FSTL4: variants seen among roughly 807,000 people sequenced by gnomAD.
FSTL4 encodes the protein follistatin-related protein 4.
FSTL4 carries 28 observed loss-of-function variants against 78.2 expected under a neutral mutation model. The ratio of observed to expected loss-of-function variants is 0.36; its 90% CI spans 0.27 to 0.49. The LOEUF is 0.49. FSTL4 is among the 20% of genes least tolerant of loss of function. The probability of loss-of-function intolerance (pLI) is 0.98; values close to 1 mark genes in which losing one functional copy is unlikely to be tolerated. For missense variants in FSTL4, 922 were observed against 1,084.9 expected, an observed-to-expected ratio of 0.85 and a Z score of 2.11; for synonymous variants, 422 against 440.5, an observed-to-expected ratio of 0.96 and a Z score of 0.53.
At chr5:133,505,550 A>C (rs933609905) in intron 3 of FSTL4, among the ~76,000 whole-genome samples, 1 of 152,256 alleles carries the variant, frequency 6.6e-6, no homozygotes, top group Non-Finnish European at 1.5e-5. Flanking sequence ...CATCCTTACA[A>C]GTCCTTCTTA....
intron 6 of FSTL4, among the ~76,000 whole-genome samples, chr5:133,312,074 C>T (rs1053338999): frequency 2.6e-5 from 4 of 152,204 alleles, no homozygotes; most frequent in African/African-American, 9.7e-5. Context: ...GCATCCCATC[C>T]ACTTGCATAT....
intron 6 of FSTL4, among the ~76,000 whole-genome samples, chr5:133,288,649 C>G (rs1429158098): frequency 6.6e-6 from 1 of 152,222 alleles, no homozygotes. Flanking sequence ...CCCCTTGGCC[C>G]TGGATGCTGG....
chr5:133,479,753 T>C (rs908341092), intron 3 of FSTL4, among the ~76,000 whole-genome samples: 1 of 152,186 alleles, frequency 6.6e-6, no homozygotes, highest in Non-Finnish European at 1.5e-5. Flanking sequence ...TAAAATTAGA[T>C]TGTAGTGACA....
At chr5:133,667,330 T>C in the FSTL4 span, among the ~76,000 whole-genome samples, 443 of 152,338 alleles carry the variant, frequency 2.9e-3, 1 homozygote, top group African/African-American at 0.01. Flanking sequence ...TACCTAGATT[T>C]TTGCAATGGT....
At chr5:133,529,617 A>G (rs532342309) in intron 3 of FSTL4, among the ~76,000 whole-genome samples, 2 of 152,178 alleles carry the variant, frequency 1.3e-5, no homozygotes, top group South Asian at 4.1e-4. Context: ...GATGAGGATA[A>G]TTAGACAACA....
At chr5:133,550,245 CCATATAGCCAGAAA>C in intron 3 of FSTL4, among the ~76,000 whole-genome samples, 1 of 152,230 alleles carries the variant, frequency 6.6e-6, no homozygotes, top group Non-Finnish European at 1.5e-5. Flanking sequence ...ATCTAGCCTC[CCATATAGCCAGAAA>C]CAATAAGCTG....
intron 4 of FSTL4, among the ~76,000 whole-genome samples, chr5:133,370,580 A>C (rs1057048741): frequency 3.9e-5 from 6 of 151,972 alleles, no homozygotes; most frequent in Non-Finnish European, 7.4e-5. Flanking sequence ...TCCTAGGCAG[A>C]GTTGTGTGAG....
At chr5:133,565,803 G>A (rs1253054374) in intron 3 of FSTL4, among the ~76,000 whole-genome samples, 1 of 152,154 alleles carries the variant, frequency 6.6e-6, no homozygotes, top group Non-Finnish European at 1.5e-5. Context: ...TTCCAAAAAG[G>A]TTAAGTTTAT....
chr5:133,692,430 T>G, the FSTL4 span, among the ~76,000 whole-genome samples: 1 of 152,192 alleles, frequency 6.6e-6, no homozygotes, highest in Non-Finnish European at 1.5e-5. Flanking sequence ...TCCCTCTGGC[T>G]GTGAAGCATG....
the FSTL4 span, among the ~76,000 whole-genome samples, chr5:133,756,752 G>A: frequency 6.6e-6 from 1 of 152,158 alleles, no homozygotes; most frequent in Non-Finnish European, 1.5e-5. Flanking sequence ...TATATCCGGA[G>A]CATTTCTTCT....
chr5:133,663,999 T>C, the FSTL4 span, among the ~76,000 whole-genome samples: 1 of 152,124 alleles, frequency 6.6e-6, no homozygotes, highest in African/African-American at 2.4e-5. Context: ...TCCAAAGAGC[T>C]GTTGAATGGG....
At chr5:133,696,479 A>T in the FSTL4 span, among the ~76,000 whole-genome samples, 1 of 152,212 alleles carries the variant, frequency 6.6e-6, no homozygotes, top group Non-Finnish European at 1.5e-5. Context: ...CCTGTCCTCG[A>T]AGCCCCAGAG....
chr5:133,600,771 C>T (rs1264854987), intron 2 of FSTL4, among the ~76,000 whole-genome samples: 4 of 152,152 alleles, frequency 2.6e-5, no homozygotes, highest in African/African-American at 4.8e-5. Context: ...ATCTTATTAA[C>T]GCTTTCTAAG....
At chr5:133,432,805 T>C (rs1398673366) in intron 3 of FSTL4, among the ~76,000 whole-genome samples, 2 of 152,200 alleles carry the variant, frequency 1.3e-5, no homozygotes, top group Non-Finnish European at 2.9e-5. Context: ...ACAGCAGCAT[T>C]GGATTACACT....
At chr5:133,644,318 T>G in the FSTL4 span, among the ~76,000 whole-genome samples, 1 of 152,158 alleles carries the variant, frequency 6.6e-6, no homozygotes, top group African/African-American at 2.4e-5. Flanking sequence ...GTGTGTGTTT[T>G]TTTTTTCTTT....
At chr5:133,242,456 T>C (rs1288615354) in intron 7 of FSTL4, among the ~76,000 whole-genome samples, 1 of 152,162 alleles carries the variant, frequency 6.6e-6, no homozygotes, top group African/African-American at 2.4e-5. Flanking sequence ...AATCAGAACC[T>C]TCCTGTGGGA....
chr5:133,673,501 G>A, the FSTL4 span, among the ~76,000 whole-genome samples: 2 of 152,130 alleles, frequency 1.3e-5, no homozygotes, highest in East Asian at 1.9e-4. Context: ...CACTCAAACC[G>A]CTTCAACTCA....
chr5:133,385,991 C>T (rs1755693589), intron 4 of FSTL4, among the ~76,000 whole-genome samples: 1 of 152,108 alleles, frequency 6.6e-6, no homozygotes, highest in Admixed American at 6.5e-5. Flanking sequence ...GCAAAGACAA[C>T]ATTTAACATT....
intron 3 of FSTL4, among the ~76,000 whole-genome samples, chr5:133,544,263 C>T (rs1759529489): frequency 6.6e-6 from 1 of 152,080 alleles, no homozygotes; most frequent in Non-Finnish European, 1.5e-5. Flanking sequence ...TTCCATTCTT[C>T]CTGTTGGAAA....
Sources: allele counts gnomAD v4.1 joint callset (sites outside exome capture counted in the v4.1 genomes callset), GRCh38; gene constraint gnomAD v4.1.1; transcripts MANE v1.5; gene names NCBI Gene and HGNC (gene_info 2026-07-23, HGNC 2026-07-21).